PFKFB3: variants seen among roughly 807,000 people sequenced by gnomAD.
PFKFB3 encodes the protein 6-phosphofructo-2-kinase/fructose-2,6-biphosphatase 3.
Under a neutral mutation model 68.0 loss-of-function variants are expected in PFKFB3, and 33 were observed. The observed-to-expected ratio is 0.49, with a 90% confidence interval of 0.37 to 0.65. The LOEUF (loss-of-function observed/expected upper bound fraction) is 0.65. PFKFB3 is among the 30% of genes least tolerant of loss of function. The pLI is 0.00. For synonymous variants in PFKFB3, 315 were observed against 288.2 expected, an observed-to-expected ratio of 1.09 and a Z score of -0.94; for missense variants, 586 against 712.2, an observed-to-expected ratio of 0.82 and a Z score of 2.02.
At chr10:6,240,180 T>G (rs1410690559), downstream of PFKFB3, among the ~76,000 whole-genome samples, 26 of 152,230 alleles carry the variant, frequency 1.7e-4, no homozygotes, top group Non-Finnish European at 1.5e-5. Context: ...AAGTTAGCAT[T>G]CCTAGATTTC....
chr10:6,309,066 C>T, the PFKFB3 span, among the ~76,000 whole-genome samples: 1 of 152,182 alleles, frequency 6.6e-6, no homozygotes, highest in Non-Finnish European at 1.5e-5. Flanking sequence ...GTGGGATGTC[C>T]AGTCTCCATA....
At chr10:6,326,358 C>A in the PFKFB3 span, among the ~76,000 whole-genome samples, 1 of 152,054 alleles carries the variant, frequency 6.6e-6, no homozygotes, top group South Asian at 2.1e-4. Flanking sequence ...ACCTACGTGA[C>A]GGGTTGATAG....
At chr10:6,290,511 T>C in the PFKFB3 span, among the ~76,000 whole-genome samples, 1 of 151,384 alleles carries the variant, frequency 6.6e-6, no homozygotes, top group African/African-American at 2.4e-5. Flanking sequence ...TTTTTTTTTT[T>C]TTTTTGAGAC....
intron 1 of PFKFB3, among the ~76,000 whole-genome samples, chr10:6,206,747 TCC>T (rs1843755408): frequency 7.8e-5 from 11 of 140,744 alleles, no homozygotes; most frequent in Admixed American, 7.7e-4. Context: ...GAAGAGGCGC[TCC>T]TCACTTTCCA....
chr10:6,160,006 G>A (rs894320505), intron 1 of PFKFB3, among the ~76,000 whole-genome samples: 1 of 151,470 alleles, frequency 6.6e-6, no homozygotes, highest in African/African-American at 2.4e-5. Flanking sequence ...CAATCCTCCC[G>A]CCTGAGCCTC....
intron 1 of PFKFB3, chr10:6,146,503 T>G (rs1841393401): frequency 1.3e-6 from 2 of 1,534,632 alleles, no homozygotes; most frequent in Non-Finnish European, 1.7e-6. Context: ...CCAGGTATGA[T>G]TCGGCCACCT....
intron 1 of PFKFB3, among the ~76,000 whole-genome samples, chr10:6,168,149 A>G (rs530244648): frequency 2.0e-5 from 3 of 152,238 alleles, no homozygotes; most frequent in Admixed American, 2.0e-4. Flanking sequence ...CAGCATTTTC[A>G]TACAGAGGGG....
At chr10:6,324,025 T>G in the PFKFB3 span, among the ~76,000 whole-genome samples, 1 of 152,224 alleles carries the variant, frequency 6.6e-6, no homozygotes, top group African/African-American at 2.4e-5. Context: ...TTTATAGATG[T>G]GTTATTCATA....
At chr10:6,197,219 C>T (rs1843202090) in intron 1 of PFKFB3, among the ~76,000 whole-genome samples, 1 of 152,116 alleles carries the variant, frequency 6.6e-6, no homozygotes, top group Non-Finnish European at 1.5e-5. Flanking sequence ...TCAGATGATC[C>T]ACCCACCTCG....
chr10:6,186,152 TTAA>T (rs753818337), intron 1 of PFKFB3, among the ~76,000 whole-genome samples: 6 of 152,198 alleles, frequency 3.9e-5, no homozygotes, highest in Non-Finnish European at 8.8e-5. Flanking sequence ...GTTTTTTATT[TTAA>T]TATTAATATT....
the PFKFB3 span, among the ~76,000 whole-genome samples, chr10:6,316,492 T>G: frequency 5.9e-5 from 9 of 152,150 alleles, no homozygotes. Flanking sequence ...TTTCCTTTTC[T>G]TTTTTTGACA....
rs371214308 is a variant in PFKFB3 at position 6,226,175 on chromosome 10, G to T, written c.1342-17G>T. The T allele has an allele frequency of 1.3e-6, 2 of 1,548,350 alleles. No individual in the cohort carries two copies. Among genetic ancestry groups the T allele is most frequent in the South Asian group, 1.2e-5 (1 of 84,220 alleles). ...TGTAACTGTCGCCTTTCTCTCTTTT[G>T]TCTTTGTCTTGCTTAGGATGCAAAG... On this transcript the variant is annotated splice_polypyrimidine_tract_variant and intron_variant, in intron 13 of 14. Transcript: ENST00000379775.
At position 6,232,903 on chromosome 10, in the gene PFKFB3, A is replaced by C; in HGVS notation, c.1524A>C (p.Lys508Asn). ...TTTTCTCCTGAAAACAGAACATGAA[A>C]GGCTCCCGGAGCAGCGCTGACTCCT... is the stretch of plus-strand genomic sequence containing the variant. ...VPTQLPGQNM[K>N]GSRSSADSSR... The change falls in exon 15 of 15, where the codon AAA becomes AAC. Residue 508 changes from lysine (K) to asparagine (N), a missense_variant. By Grantham distance (94) the Lys-to-Asn change is moderately conservative. Coordinates refer to ENST00000379775, the MANE Select transcript of PFKFB3 (RefSeq NM_004566.4). 6.2e-7 allele frequency: 1 copy of C among 1,613,220 alleles called. No individual in the cohort carries two copies. The highest frequency in any genetic ancestry group is 1.1e-5 in the South Asian group (1 of 91,060).
At chr10:6,192,705 G>GTGTGTA (rs1554845292) in intron 1 of PFKFB3, among the ~76,000 whole-genome samples, 1 of 145,764 alleles carries the variant, frequency 6.9e-6, no homozygotes, top group African/African-American at 2.7e-5. Context: ...GTGTGTGTGT[G>GTGTGTA]TGTGTGTTGG....
intron 1 of PFKFB3, among the ~76,000 whole-genome samples, chr10:6,167,876 G>C (rs564073299): frequency 6.6e-6 from 1 of 152,184 alleles, no homozygotes; most frequent in African/African-American, 2.4e-5. Context: ...AGCCCTAAGC[G>C]ACACTGTAGA....
intron 1 of PFKFB3, among the ~76,000 whole-genome samples, chr10:6,179,844 G>A (rs1013450412): frequency 7.2e-5 from 11 of 152,140 alleles, no homozygotes; most frequent in Non-Finnish European, 1.2e-4. Flanking sequence ...AGTGGGGAGG[G>A]AGTGGTTGTT....
At chr10:6,256,132 C>T (rs1317848708), downstream of PFKFB3, among the ~76,000 whole-genome samples, 3 of 152,210 alleles carry the variant, frequency 2.0e-5, no homozygotes, top group African/African-American at 7.2e-5. Context: ...TCCTTTCTAA[C>T]CCTGAGAGTT....
At chr10:6,176,829 G>C (rs908858002) in intron 1 of PFKFB3, among the ~76,000 whole-genome samples, 1 of 152,192 alleles carries the variant, frequency 6.6e-6, no homozygotes, top group South Asian at 2.1e-4. Flanking sequence ...TAATGGCTTG[G>C]ATGAGATCGT....
chr10:6,172,327 G>A (rs1768908373), intron 1 of PFKFB3, among the ~76,000 whole-genome samples: 2 of 152,216 alleles, frequency 1.3e-5, no homozygotes, highest in African/African-American at 2.4e-5. Flanking sequence ...AGGAGGCAGA[G>A]GAGTCCAAGC....
Sources: gnomAD v4.1 joint callset for allele counts (sites outside exome capture counted in the v4.1 genomes callset) on GRCh38, gnomAD v4.1.1 for gene constraint, MANE v1.5 for transcripts, NCBI Gene and HGNC (gene_info 2026-07-23, HGNC 2026-07-21) for gene names.